The following GLI2 variants were observed in gnomAD, a reference collection of about 807,000 sequenced individuals.
GLI2 encodes GLI family zinc finger 2.
Under a neutral mutation model 78.9 loss-of-function variants are expected in GLI2, and 22 were observed. That is an observed-to-expected ratio of 0.28 (90% CI 0.20 to 0.40). The LOEUF (loss-of-function observed/expected upper bound fraction) is 0.40, where lower values mean the gene tolerates loss of function less well. GLI2 is among the 10% of genes least tolerant of loss of function. The pLI, the probability that GLI2 is intolerant of heterozygous loss-of-function variation, is 1.00. For missense variants in GLI2, 2,097 were observed against 2,213.2 expected (o/e 0.95, Z 1.05); for synonymous variants, 974 against 963.7 (o/e 1.01, Z -0.20).
At chr2:120,790,093 A>G (rs561033900) in intron 1 of GLI2, among the ~76,000 whole-genome samples, 1 of 152,236 alleles carries the variant, frequency 6.6e-6, no homozygotes, top group Non-Finnish European at 1.5e-5. Flanking sequence ...CTGAGTCAAC[A>G]TGGGAACCAT....
At chr2:120,916,669 T>A (rs1679114287) in intron 2 of GLI2, among the ~76,000 whole-genome samples, 1 of 152,236 alleles carries the variant, frequency 6.6e-6, no homozygotes, top group Non-Finnish European at 1.5e-5. Flanking sequence ...AGCGTCCTCT[T>A]ACATTGAGCG....
intron 1 of GLI2, among the ~76,000 whole-genome samples, chr2:120,741,747 C>G (rs901875082): frequency 1.1e-4 from 17 of 152,030 alleles, no homozygotes; most frequent in African/African-American, 3.6e-4. Flanking sequence ...TTCCGTGCCC[C>G]GAGCGCCCCG....
At chr2:120,924,542 TACACACAC>T (rs56852363) in intron 2 of GLI2, among the ~76,000 whole-genome samples, 2 of 149,548 alleles carry the variant, frequency 1.3e-5, no homozygotes, top group African/African-American at 2.4e-5. Flanking sequence ...CATTTAGAAA[TACACACAC>T]ACACACACAC....
chr2:120,914,616 G>T (rs1028680243), intron 2 of GLI2, among the ~76,000 whole-genome samples: 2 of 152,274 alleles, frequency 1.3e-5, no homozygotes, highest in African/African-American at 4.8e-5. Flanking sequence ...CCTTGTGATG[G>T]CGGGGATCTC....
At chr2:120,866,296 G>C (rs1190595129) in intron 2 of GLI2, 1 of 152,370 alleles carries the variant, frequency 6.6e-6, no homozygotes, top group Non-Finnish European at 1.5e-5. Flanking sequence ...TCAGGGCAAG[G>C]GCAGCGGGTG....
intron 1 of GLI2, among the ~76,000 whole-genome samples, chr2:120,751,284 G>A (rs1250962771): frequency 6.6e-6 from 1 of 151,676 alleles, no homozygotes; most frequent in African/African-American, 2.4e-5. Flanking sequence ...TTTATCTTTT[G>A]GGCCTGTTTA....
Position 120,953,865 on chromosome 2 carries a change from A to T in GLI2, c.458-1380A>T, listed in dbSNP as rs971827858. ...GATCCTGTCTCTAAAAAAAAATTTT[A>T]AAAAGGAGCTGGGGGTGGTGAGACA... On this transcript the variant is annotated intron_variant, in intron 4 of 13. Coordinates refer to ENST00000361492, the MANE Select transcript of GLI2 (RefSeq NM_001374353.1). Among the ~76,000 whole-genome samples, 4 of 152,272 alleles carry T rather than the reference A, an allele frequency of 2.6e-5. No homozygotes were observed. The East Asian group carries it at 7.7e-4, about 29-fold the overall frequency.
intron 2 of GLI2, among the ~76,000 whole-genome samples, chr2:120,909,551 C>T (rs1439264412): frequency 5.9e-5 from 9 of 152,160 alleles, no homozygotes; most frequent in Non-Finnish European, 1.2e-4. Flanking sequence ...GTGGTTAGAT[C>T]GTGCACACCC....
chr2:120,893,225 T>C (rs2104755364), intron 2 of GLI2, among the ~76,000 whole-genome samples: 1 of 152,324 alleles, frequency 6.6e-6, no homozygotes, highest in South Asian at 2.1e-4. Flanking sequence ...TTTTTGTCCT[T>C]GTTGTTGGAT....
rs1684623061 is a variant in GLI2 at position 120,800,089 on chromosome 2, G to A, written c.148+2621G>A. The stretch of plus-strand genomic sequence containing the variant: ...CAGAAGCGTTTGCTGCAGCCACTGA[G>A]GAGTTGGGCACTCAGCCATCAGGCA... On this transcript the variant is annotated intron_variant, in intron 2 of 13. Coordinates refer to ENST00000361492, the MANE Select transcript of GLI2 (RefSeq NM_001374353.1). The surrounding 1 kb of genome is among the most constrained non-coding windows in gnomAD (Gnocchi z 4.1). 6.6e-6 allele frequency among the ~76,000 whole-genome samples: 1 copy of A among 152,182 alleles called. No homozygotes were observed. Among genetic ancestry groups the A allele is most frequent in the Non-Finnish European group, 1.5e-5 (1 of 68,038 alleles).
chr2:120,963,973 A>G (rs899333875), intron 5 of GLI2, among the ~76,000 whole-genome samples: 2 of 152,226 alleles, frequency 1.3e-5, no homozygotes, highest in African/African-American at 4.8e-5. Flanking sequence ...GCCATGGGTC[A>G]GCCCTTGGCA....
At chr2:120,914,146 C>CG (rs1678974260) in intron 2 of GLI2, among the ~76,000 whole-genome samples, 1 of 152,226 alleles carries the variant, frequency 6.6e-6, no homozygotes, top group Admixed American at 6.5e-5. Flanking sequence ...GGCTTCTTGC[C>CG]GGGGACCAGT....
chr2:120,921,416 G>C (rs1369727588), intron 2 of GLI2, among the ~76,000 whole-genome samples: 1 of 152,174 alleles, frequency 6.6e-6, no homozygotes, highest in Non-Finnish European at 1.5e-5. Context: ...TGCACCCAGA[G>C]CCCTGGTCTG....
chr2:120,817,093 G>C (rs1388135110), intron 2 of GLI2, among the ~76,000 whole-genome samples: 1 of 152,244 alleles, frequency 6.6e-6, no homozygotes, highest in Non-Finnish European at 1.5e-5. Context: ...CAGAGACAAT[G>C]AGCGAGGAAG....
At chr2:120,836,769 C>A (rs559435274) in intron 2 of GLI2, among the ~76,000 whole-genome samples, 4 of 152,162 alleles carry the variant, frequency 2.6e-5, no homozygotes, top group Admixed American at 6.5e-5. Flanking sequence ...TCACACTGCT[C>A]ATTTAGAAGC....
At chr2:120,789,747 G>T (rs1234854701) in intron 1 of GLI2, among the ~76,000 whole-genome samples, 1 of 152,228 alleles carries the variant, frequency 6.6e-6, no homozygotes, top group African/African-American at 2.4e-5. Context: ...CAAAGGAGTT[G>T]GCCATGATGG....
chr2:120,969,714 C>T (rs768529497), intron 6 of GLI2, among the ~76,000 whole-genome samples: 1 of 152,210 alleles, frequency 6.6e-6, no homozygotes, highest in Non-Finnish European at 1.5e-5. Context: ...CCAGAATGCC[C>T]CCTCACAGCG....
intron 3 of GLI2, among the ~76,000 whole-genome samples, chr2:120,946,937 G>A (rs1204640728): frequency 6.6e-6 from 1 of 152,226 alleles, no homozygotes; most frequent in Non-Finnish European, 1.5e-5. Context: ...TGTTTAGTCT[G>A]TCAAAATGAC....
intron 2 of GLI2, among the ~76,000 whole-genome samples, chr2:120,851,443 T>C (rs1034173717): frequency 6.6e-6 from 1 of 152,250 alleles, no homozygotes; most frequent in Non-Finnish European, 1.5e-5. Context: ...GCCCCTGCTC[T>C]TGTTGCCTGC....
Sources: allele counts gnomAD v4.1 joint callset (sites outside exome capture counted in the v4.1 genomes callset), GRCh38; gene constraint gnomAD v4.1.1; non-coding constraint Gnocchi (gnomAD v3.1); transcripts MANE v1.5; gene names NCBI Gene and HGNC (gene_info 2026-07-23, HGNC 2026-07-21).